NPAS3: variants seen among roughly 807,000 people sequenced by gnomAD.
The protein encoded by NPAS3 is neuronal PAS domain protein 3, also known as neuronal PAS domain-containing protein 3.
A neutral mutation model predicts 73.1 loss-of-function variants in NPAS3; 14 were observed. The observed-to-expected ratio is 0.19, with a 90% confidence interval of 0.13 to 0.30. The LOEUF (loss-of-function observed/expected upper bound fraction) is 0.30, where lower values mean the gene tolerates loss of function less well. NPAS3 is among the 10% of genes least tolerant of loss of function. The pLI is 1.00. For synonymous variants in NPAS3, 620 were observed against 541.5 expected (o/e 1.14, Z -2.01); for missense variants, 1,096 against 1,250.0 (o/e 0.88, Z 1.86).
chr14:33,103,073 AG>A (rs528495750), intron 2 of NPAS3, among the ~76,000 whole-genome samples: 29 of 152,308 alleles, frequency 1.9e-4, no homozygotes, highest in African/African-American at 6.7e-4. Context: ...TTAAGTTAAA[AG>A]AAAAGTATAC....
chr14:33,386,676 C>T (rs1053370398), intron 4 of NPAS3, among the ~76,000 whole-genome samples: 2 of 151,836 alleles, frequency 1.3e-5, no homozygotes, highest in Non-Finnish European at 2.9e-5. Flanking sequence ...TCAGAAGTTT[C>T]CAAAAGTTGC....
intron 4 of NPAS3, among the ~76,000 whole-genome samples, chr14:33,389,115 A>T (rs2138573747): frequency 6.6e-6 from 1 of 152,300 alleles, no homozygotes; most frequent in African/African-American, 2.4e-5. Flanking sequence ...GCATTCTGTG[A>T]GATATATCAC....
At chr14:33,267,529 A>G (rs1445895052) in intron 3 of NPAS3, among the ~76,000 whole-genome samples, 1 of 152,158 alleles carries the variant, frequency 6.6e-6, no homozygotes, top group Non-Finnish European at 1.5e-5. Context: ...AATGCTTATG[A>G]AATCTCAACC....
chr14:33,095,197 C>T (rs1034171514), intron 2 of NPAS3, among the ~76,000 whole-genome samples: 1 of 152,120 alleles, frequency 6.6e-6, no homozygotes, highest in African/African-American at 2.4e-5. Flanking sequence ...TGTTCTTTAC[C>T]TTTTGTGGTT....
At chr14:33,600,726 C>T (rs1016803223) in intron 5 of NPAS3, among the ~76,000 whole-genome samples, 1 of 152,146 alleles carries the variant, frequency 6.6e-6, no homozygotes, top group Non-Finnish European at 1.5e-5. Flanking sequence ...TCTTTGTCCT[C>T]AAAGTAACTC....
At chr14:33,215,123 T>A in intron 2 of NPAS3, 59 bp from the exon 3 acceptor site, 1 of 1,544,638 alleles carries the variant, frequency 6.5e-7, no homozygotes. Flanking sequence ...GAAAGCAGTA[T>A]TTGAATGATG....
intron 5 of NPAS3, among the ~76,000 whole-genome samples, chr14:33,577,328 C>T (rs188855969): frequency 8.2e-4 from 125 of 152,150 alleles, no homozygotes; most frequent in African/African-American, 2.9e-3. Context: ...ACCAATTCTT[C>T]TCAGATCTCT....
At chr14:33,567,494 G>T (rs1330826845) in intron 5 of NPAS3, among the ~76,000 whole-genome samples, 1 of 152,210 alleles carries the variant, frequency 6.6e-6, no homozygotes, top group Non-Finnish European at 1.5e-5. Flanking sequence ...CGCTGTTTGT[G>T]CAATGGAGCA....
At chr14:33,017,703 C>T (rs927874250) in intron 1 of NPAS3, among the ~76,000 whole-genome samples, 3 of 152,118 alleles carry the variant, frequency 2.0e-5, no homozygotes, top group Admixed American at 6.5e-5. Flanking sequence ...AATTACTGAA[C>T]ATCTCTGTGC....
chr14:33,594,508 T>C (rs2057172796), intron 5 of NPAS3, among the ~76,000 whole-genome samples: 1 of 151,978 alleles, frequency 6.6e-6, no homozygotes, highest in Admixed American at 6.6e-5. Flanking sequence ...GATGAAAGAG[T>C]CCTGTGCACA....
chr14:33,795,616 T>G (rs150262553), intron 10 of NPAS3, among the ~76,000 whole-genome samples: 2 of 152,160 alleles, frequency 1.3e-5, no homozygotes, highest in African/African-American at 4.8e-5. Flanking sequence ...GGCTCCCATG[T>G]TGATGAAACA....
intron 1 of NPAS3, among the ~76,000 whole-genome samples, chr14:33,028,115 G>T (rs2138320877): frequency 6.6e-6 from 1 of 152,198 alleles, no homozygotes; most frequent in East Asian, 1.9e-4. Flanking sequence ...CATCATGTAG[G>T]TTACACTCTA....
At chr14:33,051,057 G>A (rs1323025714) in intron 1 of NPAS3, among the ~76,000 whole-genome samples, 5 of 151,714 alleles carry the variant, frequency 3.3e-5, no homozygotes, top group African/African-American at 7.3e-5. Context: ...GGTGGATCAC[G>A]AGGTCAGGAG....
intron 3 of NPAS3, among the ~76,000 whole-genome samples, chr14:33,243,560 C>T (rs1360305230): frequency 6.6e-6 from 1 of 151,986 alleles, no homozygotes; most frequent in Admixed American, 6.6e-5. Context: ...CTCTGAGAAC[C>T]ATTCACTCAT....
intron 4 of NPAS3, among the ~76,000 whole-genome samples, chr14:33,524,373 C>T (rs1279857709): frequency 3.9e-5 from 6 of 152,174 alleles, no homozygotes; most frequent in Admixed American, 3.3e-4. Context: ...AAAAGTCCCT[C>T]TCTATAGCAG....
At chr14:33,674,946 T>G (rs2059717267) in intron 5 of NPAS3, among the ~76,000 whole-genome samples, 1 of 152,090 alleles carries the variant, frequency 6.6e-6, no homozygotes. Flanking sequence ...TGTGACAGTT[T>G]TTCCACCGCC....
At chr14:33,214,704 C>A (rs2047157112) in intron 2 of NPAS3, 1 of 154,456 alleles carries the variant, frequency 6.5e-6, no homozygotes, top group Non-Finnish European at 1.4e-5. Flanking sequence ...TTCGTGTTTA[C>A]CTTCTGCTCC....
chr14:33,203,724 G>A (rs890738806), intron 2 of NPAS3, among the ~76,000 whole-genome samples: 1 of 152,166 alleles, frequency 6.6e-6, no homozygotes, highest in Non-Finnish European at 1.5e-5. Context: ...TTCTGTCATT[G>A]TTGGACATTT....
chr14:33,574,393 T>C (rs1445771135), intron 5 of NPAS3, among the ~76,000 whole-genome samples: 4 of 152,050 alleles, frequency 2.6e-5, no homozygotes, highest in Admixed American at 6.5e-5. Flanking sequence ...AAAGCTAAAA[T>C]ATTATAAGGC....
Sources: allele counts gnomAD v4.1 joint callset (sites outside exome capture counted in the v4.1 genomes callset), GRCh38; gene constraint gnomAD v4.1.1; transcripts MANE v1.5; gene names NCBI Gene and HGNC (gene_info 2026-07-23, HGNC 2026-07-21).